KLHL11: variants seen among roughly 807,000 people sequenced by gnomAD.
The protein encoded by KLHL11 is kelch-like protein 11.
KLHL11 carries 26 observed loss-of-function variants against 56.1 expected under a neutral mutation model. That is an observed-to-expected ratio of 0.46 (90% confidence interval 0.34 to 0.64). The LOEUF (loss-of-function observed/expected upper bound fraction) is 0.64, where lower values mean the gene tolerates loss of function less well. Ranked by LOEUF, KLHL11 falls within the 30% of genes least tolerant of loss-of-function variation. KLHL11 has a pLI of 0.01. For missense variants in KLHL11, 627 were observed against 919.4 expected, an observed-to-expected ratio of 0.68 and a Z score of 4.11; for synonymous variants, 338 against 345.8, an observed-to-expected ratio of 0.98 and a Z score of 0.25.
Position 41,855,338 on chromosome 17 carries a change from G to T in KLHL11, c.546-17C>A, listed in dbSNP as rs781941082. On this transcript the variant is annotated splice_polypyrimidine_tract_variant and intron_variant, in intron 1 of 1. Coordinates refer to ENST00000319121, the MANE Select transcript of KLHL11 (RefSeq NM_018143.3). ...AGTAGGAACCTAAAATCAAGAAAAA[G>T]AGAAAAGATTAATTTTTCAAATGTG... 3.3e-5 allele frequency: 50 copies of T among 1,501,794 alleles called. No individual in the cohort carries two copies. Among genetic ancestry groups the T allele is most frequent in the Admixed American group, 4.2e-5 (2 of 47,144 alleles). 93.0% of individuals were successfully genotyped at this position (1,501,794 alleles called of 1,614,324 possible). A position where few individuals can be genotyped will look rare whatever the true frequency, so the allele number is the denominator to read the frequency against.
chr17:41,852,391 G>A lies in KLHL11; in HGVS notation c.*1349C>T, dbSNP rs1476112596. On this transcript the variant is annotated 3_prime_UTR_variant, in exon 2 of 2. Transcript: ENST00000319121. The stretch of plus-strand genomic sequence containing the variant: ...CTCAGGCAAAGTTTGAAAGTGTGGG[G>A]CAACTGGATAAAATATAACAATCAG... 1.3e-5 allele frequency among the ~76,000 whole-genome samples: 2 copies of A among 152,098 alleles called. No homozygotes were observed. Among genetic ancestry groups the A allele is most frequent in the Non-Finnish European group, 2.9e-5 (2 of 68,010 alleles).
intron 1 of KLHL11, among the ~76,000 whole-genome samples, chr17:41,860,482 G>A (rs993205379): frequency 2.6e-5 from 4 of 152,072 alleles, no homozygotes; most frequent in Non-Finnish European, 5.9e-5. Flanking sequence ...AACAGTGCCT[G>A]ACAAAAGCCA....
Position 41,854,072 on chromosome 17 carries a change from T to C in KLHL11, c.1795A>G (p.Ile599Val), listed in dbSNP as rs1344592395. The C allele has an allele frequency of 3.7e-6, 6 of 1,614,234 alleles. No homozygotes were observed. Among genetic ancestry groups the C allele is most frequent in the African/African-American group, 1.3e-5 (1 of 75,056 alleles). Reference sequence around the variant, plus strand: ...TAATAGCAAATGGCTGCTCCTTCGATGCTTAGGACTTCTGGAGGCAAGCTT... The same window carrying C: ...TAATAGCAAATGGCTGCTCCTTCGACGCTTAGGACTTCTGGAGGCAAGCTT... ...LESLPPEVLS[I>V]EGAAICYYKD... The change falls in exon 2 of 2, where the codon ATC (isoleucine) becomes GTC (valine). Residue 599 changes from isoleucine (I) to valine (V), a missense_variant. Transcript: ENST00000319121. The surrounding 1 kb of genome is among the most constrained non-coding windows in gnomAD (Gnocchi z 4.9).
chr17:41,863,177 C>T (rs1333428198), intron 1 of KLHL11, among the ~76,000 whole-genome samples: 1 of 139,240 alleles, frequency 7.2e-6, no homozygotes, highest in Non-Finnish European at 1.5e-5. Flanking sequence ...TCCCCAATGC[C>T]ACATCCTTTG....
rs781969165 is a variant in KLHL11, at chr17:41,854,440, G to C, written c.1427C>G (p.Pro476Arg). The C allele has an allele frequency of 6.2e-7, 1 of 1,614,122 alleles. No homozygotes were observed. Among genetic ancestry groups the C allele is most frequent in the Admixed American group, 1.7e-5 (1 of 60,004 alleles). Residue 476 changes from proline (P) to arginine (R), a missense_variant, in exon 2 of 2, where the codon CCT becomes CGT. Around this residue, in one of 4 missense-constraint regions of KLHL11, gnomAD observed 250 missense variants for 360.6 expected, o/e 0.69. Coordinates refer to ENST00000319121, the MANE Select transcript of KLHL11 (RefSeq NM_018143.3). The surrounding 1 kb of genome is among the most constrained non-coding windows in gnomAD (Gnocchi z 4.9). Reference sequence around the variant, plus strand: ...CAAGTTGTGCCATTTATCAAGCTCAGGATTATAAACAGTCACATCTTTAAA... The same window carrying C: ...CAAGTTGTGCCATTTATCAAGCTCACGATTATAAACAGTCACATCTTTAAA... ...PGFKDVTVYN[P>R]ELDKWHNLES...
Position 41,864,996 on chromosome 17 carries a change from C to T in KLHL11, c.375G>A (p.Leu125=). 1.2e-6 allele frequency: 2 copies of T among 1,608,624 alleles called. No homozygotes were observed. The highest frequency in any genetic ancestry group is 1.7e-6 in the Non-Finnish European group (2 of 1,177,626). Residue 125 remains leucine, a synonymous_variant, in exon 1 of 2, where the codon CTG becomes CTA. Coordinates refer to ENST00000319121, the MANE Select transcript of KLHL11 (RefSeq NM_018143.3). ...GGGACTCGGAAAACTGGCCCGAGAGCAGGGGCGTGAAGTACTCGGTGGCGG... is the reference window on the plus strand; with the variant it reads ...GGGACTCGGAAAACTGGCCCGAGAGTAGGGGCGTGAAGTACTCGGTGGCGG... ...LAAATEYFTP[L]LSGQFSESRS...
rs782083927 is a variant in KLHL11, at chr17:41,853,900, G to C, written c.1967C>G (p.Ala656Gly). Residue 656 changes from alanine to glycine, a missense_variant, in exon 2 of 2, where the codon GCT becomes GGT. By Grantham distance (60) the Ala-to-Gly change is moderately conservative. Around this residue, in one of 4 missense-constraint regions of KLHL11, gnomAD observed 250 missense variants for 360.6 expected, o/e 0.69. Coordinates refer to ENST00000319121, the MANE Select transcript of KLHL11 (RefSeq NM_018143.3). Reference protein sequence around the residue: ...PMPQPRCRATACHVRIPYRYL... With the variant: ...PMPQPRCRATGCHVRIPYRYL... ...CCGGTATGGGATCCTCACGTGACAA[G>C]CAGTGGCTCTACAACGAGGTTGTGG... is the stretch of plus-strand genomic sequence containing the variant. 1 of 1,614,184 alleles carries C rather than the reference G, an allele frequency of 6.2e-7. No homozygotes were observed. The highest frequency in any genetic ancestry group is 1.1e-5 in the South Asian group (1 of 91,088).
chr17:41,849,497 C>T lies in KLHL11; in HGVS notation c.*4243G>A, dbSNP rs782173238. On this transcript the variant is annotated 3_prime_UTR_variant, in exon 2 of 2. Coordinates refer to ENST00000319121, the MANE Select transcript of KLHL11 (RefSeq NM_018143.3). ...AGAAACTGCCTTACCAGCAGCCTGA[C>T]GGGTTTAAAAAACACAAAAGCACAC... 2 of 152,116 alleles carry T rather than the reference C, an allele frequency of 1.3e-5. No individual in the cohort carries two copies. The highest frequency in any genetic ancestry group is 2.4e-5 in the African/African-American group (1 of 41,420). 9.4% of individuals were successfully genotyped at this position (152,116 alleles called of 1,614,324 possible). A position where few individuals can be genotyped will look rare whatever the true frequency, so the allele number is the denominator to read the frequency against.
chr17:41,857,464 A>G (rs1567874276), intron 1 of KLHL11, among the ~76,000 whole-genome samples: 1 of 150,406 alleles, frequency 6.6e-6, no homozygotes, highest in Non-Finnish European at 1.5e-5. Flanking sequence ...CCAGGATCGC[A>G]CCACTGTACT....
At chr17:41,857,548 T>C (rs2048373928) in intron 1 of KLHL11, among the ~76,000 whole-genome samples, 1 of 149,936 alleles carries the variant, frequency 6.7e-6, no homozygotes, top group African/African-American at 2.4e-5. Context: ...TATTTATATA[T>C]AAAATATAAA....
At chr17:41,855,365 A>C (rs1555622430) in intron 1 of KLHL11, 44 bp from the exon 2 acceptor site, 1 of 1,416,306 alleles carries the variant, frequency 7.1e-7, no homozygotes. Flanking sequence ...TCAAATGTGC[A>C]TATTTTATGT....
In KLHL11 at chr17:41,854,489, C is replaced by T. The variant is rs1555622322; in HGVS notation, c.1378G>A (p.Gly460Arg). 1 of 1,614,166 alleles carries T rather than the reference C, an allele frequency of 6.2e-7. No homozygotes were observed. The change falls in exon 2 of 2, where the codon GGA becomes AGA. Residue 460 changes from glycine (G) to arginine (R), a missense_variant. By Grantham distance (125) the Gly-to-Arg change is moderately radical. Coordinates refer to ENST00000319121, the MANE Select transcript of KLHL11 (RefSeq NM_018143.3). This position sits in a 1 kb window ranked among gnomAD's most constrained non-coding sequence, Gnocchi z 4.9. ...AAACCAGGACTAAAGTTGCCATGTC[C>T]TCCAATGCTATAGAGCTTCCCTTTG... ...EVKGKLYSIG[G>R]HGNFSPGFKD...
rs1555622107 is a variant in KLHL11 at position 41,852,718 on chromosome 17, C to T, written c.*1022G>A. On this transcript the variant is annotated 3_prime_UTR_variant, in exon 2 of 2. Coordinates refer to ENST00000319121, the MANE Select transcript of KLHL11 (RefSeq NM_018143.3). ...AGGCAAGAGAATCACTCGAACCTGG[C>T]AGGCAGAGGTTGCAGTGAGCCGAGA... Among the ~76,000 whole-genome samples the T allele has an allele frequency of 6.9e-6, 1 of 145,152 alleles. No individual in the cohort carries two copies. Among genetic ancestry groups the T allele is most frequent in the African/African-American group, 2.6e-5 (1 of 38,932 alleles).
chr17:41,855,381 C>CT lies in KLHL11; in HGVS notation c.546-61dup, dbSNP rs1198760422. 8.3e-6 allele frequency: 11 copies of CT among 1,320,586 alleles called. No homozygotes were observed. In the East Asian group the frequency reaches 2.4e-4, roughly 28 times the overall value. The allele number at this position is 1,320,586 out of a possible 1,614,324, so 81.8% of individuals were successfully genotyped here. A position where few individuals can be genotyped will look rare whatever the true frequency, so the allele number is the denominator to read the frequency against. On this transcript the variant is annotated intron_variant, in intron 1 of 1. Transcript: ENST00000319121. ...CAAATGTGCATATTTTATGTGGTTA[C>CT]TTTTTTCTTTTTTTTGAGACAGGGT...
rs781975751 is a variant in KLHL11, at chr17:41,855,017, A to ATC, written c.848_849dup (p.Tyr284AspfsTer15). 3 of 1,613,348 alleles carry ATC rather than the reference A, an allele frequency of 1.9e-6. No individual in the cohort carries two copies. The highest frequency in any genetic ancestry group is 1.1e-5 in the South Asian group (1 of 91,078). ...AGCAATTTAAAAAGTTCTTCAAAGT[A>ATC]TCTCTCTCTCTCTTCAGCATTTCTC... On this transcript the variant is annotated frameshift_variant, in exon 2 of 2. Coordinates refer to ENST00000319121, the MANE Select transcript of KLHL11 (RefSeq NM_018143.3). LOFTEE classifies it high-confidence loss of function.
rs2048335537 is a variant in KLHL11, at chr17:41,852,127, A to G, written c.*1613T>C. ...CTTCCCAGGCTCTGGTGATCCTCCC[A>G]CCTTGGCTTCAAGTAGGAAGGACTA... On this transcript the variant is annotated 3_prime_UTR_variant, in exon 2 of 2. Transcript: ENST00000319121. Among the ~76,000 whole-genome samples, 1 of 151,932 alleles carries G rather than the reference A, an allele frequency of 6.6e-6. No homozygotes were observed. Among genetic ancestry groups the G allele is most frequent in the African/African-American group, 2.4e-5 (1 of 41,386 alleles).
At chr17:41,864,363 A>G (rs1159774273) in intron 1 of KLHL11, among the ~76,000 whole-genome samples, 1 of 152,232 alleles carries the variant, frequency 6.6e-6, no homozygotes, top group Non-Finnish European at 1.5e-5. Flanking sequence ...TCACTGGACT[A>G]TATTTTAATT....
At position 41,852,778 on chromosome 17, in the gene KLHL11, CAAAAAAA is replaced by C. The variant is rs1189323899; in HGVS notation, c.*955_*961del. On this transcript the variant is annotated 3_prime_UTR_variant, in exon 2 of 2. Transcript: ENST00000319121. ...TGCACTCCAGCCTGGGCAACATGAG[CAAAAAAA>C]AAAAAAAAAAGAGAAAAGGAATAAT... Among the ~76,000 whole-genome samples, 1 of 49,728 alleles carries C rather than the reference CAAAAAAA, an allele frequency of 2.0e-5. No individual in the cohort carries two copies. The highest frequency in any genetic ancestry group is 4.5e-5 in the Non-Finnish European group (1 of 22,020). 32.6% of individuals were successfully genotyped at this position (49,728 alleles called of 152,430 possible).
At position 41,865,415 on chromosome 17, in the gene KLHL11, G is replaced by T; in HGVS notation, c.-45C>A. 1 of 1,211,090 alleles carries T rather than the reference G, an allele frequency of 8.3e-7. No homozygotes were observed. The highest frequency in any genetic ancestry group is 1.1e-6 in the Non-Finnish European group (1 of 914,820). 75.0% of individuals were successfully genotyped at this position (1,211,090 alleles called of 1,614,324 possible). On this transcript the variant is annotated 5_prime_UTR_variant, in exon 1 of 2. Transcript: ENST00000319121. ...GCCTCCACAGCCTCGGAACGATGCG[G>T]CTGTTGGTACGACACAGAGGGATTC...
Sources: allele counts gnomAD v4.1 joint callset (sites outside exome capture counted in the v4.1 genomes callset), GRCh38; gene constraint gnomAD v4.1.1; regional missense constraint gnomAD v4.1.1; non-coding constraint Gnocchi (gnomAD v3.1); transcripts MANE v1.5; gene names NCBI Gene and HGNC (gene_info 2026-07-23, HGNC 2026-07-21).